TJP1: variants seen among roughly 807,000 people sequenced by gnomAD.
TJP1 encodes tight junction protein 1.
A neutral mutation model predicts 194.2 loss-of-function variants in TJP1; 43 were observed. The observed-to-expected ratio is 0.22, with a 90% CI of 0.17 to 0.29. The LOEUF (loss-of-function observed/expected upper bound fraction) is 0.29. Among genes scored for constraint, TJP1 ranks in the 10% least tolerant of loss-of-function variants. The pLI, the probability that TJP1 is intolerant of heterozygous loss-of-function variation, is 1.00. For missense variants in TJP1, 1,971 were observed against 2,185.7 expected, an observed-to-expected ratio of 0.90 and a Z score of 1.96; for synonymous variants, 801 against 779.0, an observed-to-expected ratio of 1.03 and a Z score of -0.47.
intron 2 of TJP1, among the ~76,000 whole-genome samples, chr15:29,890,135 C>T (rs2053252652): frequency 6.6e-6 from 1 of 152,178 alleles, no homozygotes; most frequent in African/African-American, 2.4e-5. Flanking sequence ...AGAGAGTGGC[C>T]ATCCACCCCG....
chr15:29,901,820 CAAAA>C (rs35491657), intron 2 of TJP1, among the ~76,000 whole-genome samples: 5 of 119,974 alleles, frequency 4.2e-5, no homozygotes, highest in Admixed American at 8.8e-5. Context: ...GACTCTATCT[CAAAA>C]AAAAAAAAAA....
chr15:29,941,154 C>T (rs2055060289), intron 2 of TJP1, among the ~76,000 whole-genome samples: 1 of 152,196 alleles, frequency 6.6e-6, no homozygotes, highest in African/African-American at 2.4e-5. Context: ...AAATGACCTC[C>T]TACGACCGCA....
At chr15:29,725,942 G>C (rs922066437) in intron 18 of TJP1, among the ~76,000 whole-genome samples, 1 of 152,142 alleles carries the variant, frequency 6.6e-6, no homozygotes, top group Admixed American at 6.5e-5. Context: ...TCCGCTGCTT[G>C]CCTTCATAGT....
chr15:29,874,921 C>T (rs1469302731), intron 2 of TJP1, among the ~76,000 whole-genome samples: 1 of 152,138 alleles, frequency 6.6e-6, no homozygotes, highest in African/African-American at 2.4e-5. Context: ...TTACAAGAAG[C>T]AAATAATACC....
intron 4 of TJP1, among the ~76,000 whole-genome samples, chr15:29,771,302 C>T (rs1182217452): frequency 2.6e-5 from 4 of 152,070 alleles, no homozygotes; most frequent in Admixed American, 2.6e-4. Context: ...TCCTCGGTTA[C>T]AAGCCTGTAC....
intron 25 of TJP1, among the ~76,000 whole-genome samples, chr15:29,708,000 C>T (rs1024053890): frequency 9.9e-5 from 15 of 151,968 alleles, no homozygotes; most frequent in African/African-American, 3.6e-4. Flanking sequence ...AAGTTCAAAA[C>T]CAGTCTGGCC....
At chr15:29,725,371 TG>T (rs2043177584) in intron 18 of TJP1, among the ~76,000 whole-genome samples, 1 of 152,106 alleles carries the variant, frequency 6.6e-6, no homozygotes, top group African/African-American at 2.4e-5. Flanking sequence ...GTAGAGGACA[TG>T]GGGGGTCCTA....
At chr15:29,897,370 A>C (rs1464917741) in intron 2 of TJP1, among the ~76,000 whole-genome samples, 1 of 152,242 alleles carries the variant, frequency 6.6e-6, no homozygotes, top group Non-Finnish European at 1.5e-5. Context: ...CCTAGATTTC[A>C]GAGGATATAT....
intron 2 of TJP1, among the ~76,000 whole-genome samples, chr15:29,909,760 C>T (rs1361729198): frequency 6.6e-6 from 1 of 151,926 alleles, no homozygotes; most frequent in Non-Finnish European, 1.5e-5. Flanking sequence ...GCATCCTACC[C>T]ACCAAGCAGA....
intron 2 of TJP1, among the ~76,000 whole-genome samples, chr15:29,785,455 A>T (rs2047641568): frequency 6.6e-6 from 1 of 152,174 alleles, no homozygotes; most frequent in Non-Finnish European, 1.5e-5. Flanking sequence ...TTTCACACAA[A>T]AGGTCTGCCC....
intron 2 of TJP1, among the ~76,000 whole-genome samples, chr15:29,946,343 T>C (rs559315166): frequency 2.0e-3 from 298 of 152,310 alleles, no homozygotes; most frequent in Non-Finnish European, 3.4e-3. Context: ...CCAGGGCTAG[T>C]GGATGAAAGT....
Position 29,765,797 on chromosome 15 carries a change from T to G in TJP1, c.589+469A>C, listed in dbSNP as rs548763043. 3.9e-5 allele frequency among the ~76,000 whole-genome samples: 6 copies of G among 152,126 alleles called. No individual in the cohort carries two copies. In the South Asian group the frequency reaches 1.2e-3, roughly 32 times the overall value. On this transcript the variant is annotated intron_variant, in intron 5 of 27. Coordinates refer to ENST00000614355, the MANE Select transcript of TJP1 (RefSeq NM_001330239.4). The stretch of plus-strand genomic sequence containing the variant: ...CTTCCAGCTACCAGGGAGGCTGAAG[T>G]GGGAGGACTGCTTGAGCCTGGGAAG...
At chr15:29,711,648 T>C (rs2042249516) in intron 23 of TJP1, among the ~76,000 whole-genome samples, 2 of 152,196 alleles carry the variant, frequency 1.3e-5, no homozygotes, top group South Asian at 2.1e-4. Context: ...ATTACAGGCA[T>C]GAGCCACCGC....
At chr15:29,832,427 C>T (rs1009885633) in intron 2 of TJP1, among the ~76,000 whole-genome samples, 2 of 152,140 alleles carry the variant, frequency 1.3e-5, no homozygotes, top group Admixed American at 6.5e-5. Context: ...GATTTGCCGA[C>T]GCACAGAATC....
In TJP1 at chr15:29,742,241, ACT is replaced by A. The variant is rs567998107; in HGVS notation, c.1150+399_1150+400del. 5.2e-3 allele frequency among the ~76,000 whole-genome samples: 782 copies of A among 151,172 alleles called. 3 individuals carry two copies. The highest frequency in any genetic ancestry group is 8.9e-3 in the Non-Finnish European group (603 of 67,766). Reference sequence around the variant, plus strand: ...CACTCCAGCTGGGTGACAGAGTGAGACTCTGTCTCAAAAAAAAAAACCCAAAG... The same window carrying A: ...CACTCCAGCTGGGTGACAGAGTGAGACTGTCTCAAAAAAAAAAACCCAAAG... On this transcript the variant is annotated intron_variant, in intron 9 of 27. Coordinates refer to ENST00000614355, the MANE Select transcript of TJP1 (RefSeq NM_001330239.4).
rs779024779 is a variant in TJP1 at position 29,761,127 on chromosome 15, A to T, written c.1010+12T>A. On this transcript the variant is annotated intron_variant, in intron 8 of 27. Coordinates refer to ENST00000614355, the MANE Select transcript of TJP1 (RefSeq NM_001330239.4). ...AAACCCCTGTATTTTTTAAAAAAAT[A>T]GGGTGTCTTACCTGCCATTGCTTGG... is the stretch of plus-strand genomic sequence containing the variant. 16 of 1,565,746 alleles carry T rather than the reference A, an allele frequency of 1.0e-5. No individual in the cohort carries two copies. The Admixed American group carries it at 2.8e-4, about 28-fold the overall frequency.
At chr15:29,905,635 A>G (rs1425716332) in intron 2 of TJP1, among the ~76,000 whole-genome samples, 2 of 152,266 alleles carry the variant, frequency 1.3e-5, no homozygotes, top group Non-Finnish European at 2.9e-5. Context: ...GTGAATGAAT[A>G]AACAAACTGT....
Position 29,822,000 on chromosome 15 carries a change from A to C in TJP1, c.27+2T>G. On this transcript the variant is annotated splice_donor_variant, in intron 1 of 27. Transcript: ENST00000614355. LOFTEE classifies it high-confidence loss of function. Reference sequence around the variant, plus strand: ...GGCCCTGGCGGCCGCGGAGGCGCTCACCTTGGCGGCCGCAGCTCTGGCGGA... The same window carrying C: ...GGCCCTGGCGGCCGCGGAGGCGCTCCCCTTGGCGGCCGCAGCTCTGGCGGA... The C allele has an allele frequency of 7.5e-7, 1 of 1,336,470 alleles. No individual in the cohort carries two copies. Among genetic ancestry groups the C allele is most frequent in the Non-Finnish European group, 9.6e-7 (1 of 1,041,470 alleles). 82.8% of individuals were successfully genotyped at this position (1,336,470 alleles called of 1,614,324 possible). A position where few individuals can be genotyped will look rare whatever the true frequency, so the allele number is the denominator to read the frequency against.
chr15:29,770,425 C>T (rs1017559269), intron 4 of TJP1, among the ~76,000 whole-genome samples: 6 of 146,918 alleles, frequency 4.1e-5, no homozygotes, highest in African/African-American at 1.3e-4. Flanking sequence ...AGAGCGAAAC[C>T]GTGTCTTAAA....
Sources: gnomAD v4.1 joint callset for allele counts (sites outside exome capture counted in the v4.1 genomes callset) on GRCh38, gnomAD v4.1.1 for gene constraint, MANE v1.5 for transcripts, NCBI Gene and HGNC (gene_info 2026-07-23, HGNC 2026-07-21) for gene names.